Variants in SLC6A2 observed in about 807,000 individuals in gnomAD.
SLC6A2 encodes the protein solute carrier family 6 member 2.
Under a neutral mutation model 71.7 loss-of-function variants are expected in SLC6A2, and 26 were observed. The observed-to-expected ratio is 0.36, with a 90% confidence interval of 0.27 to 0.50. The LOEUF (loss-of-function observed/expected upper bound fraction) is 0.50, where lower values mean the gene tolerates loss of function less well. Among genes scored for constraint, SLC6A2 ranks in the 20% least tolerant of loss-of-function variants. SLC6A2 has a pLI of 0.96. For synonymous variants in SLC6A2, 363 were observed against 337.9 expected, an observed-to-expected ratio of 1.07 and a Z score of -0.82; for missense variants, 581 against 803.9, an observed-to-expected ratio of 0.72 and a Z score of 3.35.
In SLC6A2 at chr16:55,698,558, C is replaced by T. The variant is rs1315915175; in HGVS notation, c.1479C>T (p.Ser493=). 6.2e-7 allele frequency: 1 copy of T among 1,612,100 alleles called. No homozygotes were observed. ...TCCTCATGGAAGCCATCGGAGTTTC[C>T]TGGTTTTATGGTATGTGAGTGTGTG... is the stretch of plus-strand genomic sequence containing the variant. ...FAVLMEAIGV[S]WFYGVDRFSN... is the part of the protein sequence containing the mutation. Residue 493 remains serine, a synonymous_variant, in exon 11 of 15, where the codon TCC becomes TCT. Coordinates refer to ENST00000568943, the MANE Select transcript of SLC6A2 (RefSeq NM_001172501.3).
At chr16:55,681,734 C>T (rs1161453206) in intron 4 of SLC6A2, among the ~76,000 whole-genome samples, 7 of 152,198 alleles carry the variant, frequency 4.6e-5, no homozygotes, top group Non-Finnish European at 7.3e-5. Context: ...CTGCATCATT[C>T]GGGATGATTC....
chr16:55,671,815 C>G (rs371685190), intron 3 of SLC6A2, 123 bp from the exon 4 acceptor site: 5 of 1,521,730 alleles, frequency 3.3e-6, no homozygotes, highest in Non-Finnish European at 4.4e-6. Flanking sequence ...GGTTGGGGAC[C>G]GCTGTTCTGC....
intron 10 of SLC6A2, 81 bp downstream of exon 10, chr16:55,698,106 A>G: frequency 3.4e-6 from 5 of 1,472,234 alleles, no homozygotes; most frequent in Non-Finnish European, 4.8e-6. Flanking sequence ...TAGCCTTAGA[A>G]CTGGGGCTGA....
At chr16:55,694,562 G>T (rs1391424314) in intron 7 of SLC6A2, among the ~76,000 whole-genome samples, 1 of 152,176 alleles carries the variant, frequency 6.6e-6, no homozygotes, top group Non-Finnish European at 1.5e-5. Flanking sequence ...ACCTCCTGCT[G>T]GCCCAGTGCT....
intron 5 of SLC6A2, among the ~76,000 whole-genome samples, chr16:55,685,565 G>A (rs1042301666): frequency 1.3e-5 from 2 of 152,146 alleles, no homozygotes; most frequent in Non-Finnish European, 2.9e-5. Context: ...AGAGACCAGG[G>A]ACTGGGATAC....
In SLC6A2 at chr16:55,702,925, T is replaced by C. The variant is rs1441635954; in HGVS notation, c.*579T>C. ...CTCTAAAATGAAGTCAGTGGATAGA[T>C]GCTTTGAGGGATTTTGAGTAGAAAC... On this transcript the variant is annotated 3_prime_UTR_variant, in exon 15 of 15. Coordinates refer to ENST00000568943, the MANE Select transcript of SLC6A2 (RefSeq NM_001172501.3). 108 of 988,784 alleles carry C rather than the reference T, an allele frequency of 1.1e-4. No individual in the cohort carries two copies. The highest frequency in any genetic ancestry group is 4.5e-4 in the East Asian group (4 of 8,916). The allele number at this position is 988,784 out of a possible 1,614,324, so 61.3% of individuals were successfully genotyped here.
At chr16:55,694,556 C>T (rs182018908) in intron 7 of SLC6A2, among the ~76,000 whole-genome samples, 409 of 152,312 alleles carry the variant, frequency 2.7e-3, no homozygotes, top group African/African-American at 9.2e-3. Context: ...AATGCTACCT[C>T]CTGCTGGCCC....
chr16:55,660,703 T>G (rs999952134), intron 2 of SLC6A2, among the ~76,000 whole-genome samples: 2 of 152,104 alleles, frequency 1.3e-5, no homozygotes, highest in Non-Finnish European at 2.9e-5. Flanking sequence ...TAGGTGAACA[T>G]GACCTGAGAT....
chr16:55,671,788 G>A, intron 3 of SLC6A2, 150 bp from the exon 4 acceptor site: 1 of 1,465,906 alleles, frequency 6.8e-7, no homozygotes, highest in Non-Finnish European at 9.1e-7. Context: ...CATGCGACAG[G>A]TCACTGGTGC....
chr16:55,675,400 G>T (rs1304410759), intron 4 of SLC6A2, among the ~76,000 whole-genome samples: 1 of 152,236 alleles, frequency 6.6e-6, no homozygotes, highest in Non-Finnish European at 1.5e-5. Flanking sequence ...TAAGATCATA[G>T]AGTAAATATT....
In SLC6A2 at chr16:55,667,708, C is replaced by T. The variant is rs546469989; in HGVS notation, c.275-1857C>T. Among the ~76,000 whole-genome samples, 5 of 152,326 alleles carry T rather than the reference C, an allele frequency of 3.3e-5. No individual in the cohort carries two copies. In the East Asian group the frequency reaches 9.7e-4, roughly 29 times the overall value. On this transcript the variant is annotated intron_variant, in intron 2 of 14. Coordinates refer to ENST00000568943, the MANE Select transcript of SLC6A2 (RefSeq NM_001172501.3). ...CTGGAGCAGTGGCTGTAGCATTGGGCCAGCCTATGACCAATAGACCACATG... is the reference window on the plus strand; with the variant it reads ...CTGGAGCAGTGGCTGTAGCATTGGGTCAGCCTATGACCAATAGACCACATG...
At chr16:55,698,078 A>G (rs1173778916) in intron 10 of SLC6A2, 53 bp downstream of exon 10, 1 of 1,585,698 alleles carries the variant, frequency 6.3e-7, no homozygotes, top group Non-Finnish European at 8.7e-7. Context: ...GCCGCATTTC[A>G]ATAAAGTCAA....
intron 9 of SLC6A2, 70 bp from the exon 10 acceptor site, chr16:55,697,827 C>T: frequency 6.3e-7 from 1 of 1,584,358 alleles, no homozygotes; most frequent in South Asian, 1.1e-5. Flanking sequence ...GCTCTAGGAA[C>T]CCTGGGGCCT....
intron 4 of SLC6A2, among the ~76,000 whole-genome samples, chr16:55,679,188 T>C (rs183516607): frequency 4.0e-5 from 6 of 151,878 alleles, no homozygotes; most frequent in Non-Finnish European, 1.5e-5. Context: ...GAATTAAGCA[T>C]CAGATAGGGT....
At chr16:55,700,090 C>T (rs765865832) in intron 12 of SLC6A2, 49 bp from the exon 13 acceptor site, 16 of 1,533,622 alleles carry the variant, frequency 1.0e-5, no homozygotes, top group Non-Finnish European at 1.3e-5. Flanking sequence ...CCTTTCTTGT[C>T]TCTCTTCTGT....
At chr16:55,699,696 G>A in intron 12 of SLC6A2, 42 bp downstream of exon 12, 1 of 1,398,118 alleles carries the variant, frequency 7.2e-7, no homozygotes, top group Non-Finnish European at 1.0e-6. Context: ...TGGGGAGGGG[G>A]CTGTGTCCAG....
chr16:55,697,874 C>G (rs1319075719), intron 9 of SLC6A2, 23 bp from the exon 10 acceptor site: 8 of 1,613,570 alleles, frequency 5.0e-6, no homozygotes, highest in Non-Finnish European at 6.8e-6. Flanking sequence ...TTCCTGCACC[C>G]CACCCCTCCT....
chr16:55,682,199 G>A (rs1284031167), intron 4 of SLC6A2, among the ~76,000 whole-genome samples: 2 of 152,216 alleles, frequency 1.3e-5, no homozygotes, highest in Non-Finnish European at 2.9e-5. Flanking sequence ...GAGCCACCAT[G>A]CCTGGCTATA....
In SLC6A2 at chr16:55,702,761, A is replaced by AAC; in HGVS notation, c.*415_*416insAC. The AAC allele has an allele frequency of 9.9e-7, 1 of 1,007,204 alleles. No homozygotes were observed. Among genetic ancestry groups the AAC allele is most frequent in the African/African-American group, 2.0e-5 (1 of 51,260 alleles). The allele number at this position is 1,007,204 out of a possible 1,614,324, so 62.4% of individuals were successfully genotyped here. ...GATACCCCTCCCAAAAAAAAAAAAA[A>AAC]CTAAAACTAAAGCAAAAATCAAACA... On this transcript the variant is annotated 3_prime_UTR_variant, in exon 15 of 15. Coordinates refer to ENST00000568943, the MANE Select transcript of SLC6A2 (RefSeq NM_001172501.3).
Sources: gnomAD v4.1 joint callset for allele counts (sites outside exome capture counted in the v4.1 genomes callset) on GRCh38, gnomAD v4.1.1 for gene constraint, MANE v1.5 for transcripts, NCBI Gene and HGNC (gene_info 2026-07-23, HGNC 2026-07-21) for gene names.